The following MCTP1 variants were observed in gnomAD, a reference collection of about 807,000 sequenced individuals.
MCTP1 encodes multiple C2 and transmembrane domain containing 1, also known as multiple C2 and transmembrane domain-containing protein 1.
A neutral mutation model predicts 120.6 loss-of-function variants in MCTP1; 69 were observed. That is an observed-to-expected ratio of 0.57 (90% CI 0.47 to 0.70). The LOEUF (loss-of-function observed/expected upper bound fraction) is 0.70. Among genes scored for constraint, MCTP1 ranks in the 30% least tolerant of loss-of-function variants. The pLI, the probability that MCTP1 is intolerant of heterozygous loss-of-function variation, is 0.00. For missense variants in MCTP1, 1,203 were observed against 1,248.8 expected (o/e 0.96, Z 0.55); for synonymous variants, 529 against 493.1 (o/e 1.07, Z -0.96).
chr5:95,240,269 T>C (rs10068954), intron 1 of MCTP1, among the ~76,000 whole-genome samples: 22,864 of 152,218 alleles, frequency 0.15, 1,872 homozygotes, highest in Non-Finnish European at 0.19. Flanking sequence ...ATATCTACAA[T>C]GCTTACCTGC....
chr5:95,036,911 T>TCACTCACTCACTCAC (rs1554188926), intron 1 of MCTP1, among the ~76,000 whole-genome samples: 1 of 151,494 alleles, frequency 6.6e-6, no homozygotes, highest in Non-Finnish European at 1.5e-5. Flanking sequence ...ATTTCATTCT[T>TCACTCACTCACTCAC]TCACTCACTC....
intron 2 of MCTP1, among the ~76,000 whole-genome samples, chr5:95,006,077 C>T (rs775732032): frequency 1.3e-5 from 2 of 152,052 alleles, no homozygotes; most frequent in Admixed American, 6.6e-5. Context: ...AGAGAGAAAA[C>T]CTAGGGAGAC....
intron 2 of MCTP1, among the ~76,000 whole-genome samples, chr5:94,969,392 C>T (rs1434706896): frequency 1.3e-5 from 2 of 152,088 alleles, no homozygotes; most frequent in East Asian, 3.9e-4. Context: ...ATGTAAATAG[C>T]TGTCTATTAA....
intron 17 of MCTP1, among the ~76,000 whole-genome samples, chr5:94,845,908 A>C (rs1213338397): frequency 6.6e-6 from 1 of 152,172 alleles, no homozygotes; most frequent in East Asian, 1.9e-4. Flanking sequence ...AATGCTCAAC[A>C]TCACTAATCA....
intron 17 of MCTP1, among the ~76,000 whole-genome samples, chr5:94,855,096 A>G (rs559563380): frequency 6.6e-6 from 1 of 151,950 alleles, no homozygotes. Context: ...TGTAACCAAA[A>G]TATTCCCCCT....
At chr5:94,843,437 T>C (rs575385913) in intron 17 of MCTP1, among the ~76,000 whole-genome samples, 15 of 152,206 alleles carry the variant, frequency 9.9e-5, no homozygotes, top group Non-Finnish European at 1.9e-4. Context: ...TGATGGGATG[T>C]AGGCGATTTG....
chr5:95,040,169 C>T lies in MCTP1; in HGVS notation c.721-22685G>A. Among the ~76,000 whole-genome samples the T allele has an allele frequency of 1.3e-5, 2 of 152,148 alleles. 1 individual carries two copies. On this transcript the variant is annotated intron_variant, in intron 1 of 22. Transcript: ENST00000515393. ...TTTTAAAGAAGGCTGGGCATGATGG[C>T]TCATGCCTGTAATCCTGGCACTTTG...
At chr5:95,064,791 T>C (rs1750162308) in intron 1 of MCTP1, among the ~76,000 whole-genome samples, 1 of 152,212 alleles carries the variant, frequency 6.6e-6, no homozygotes, top group Admixed American at 6.5e-5. Flanking sequence ...AACAGACCAC[T>C]TGGAAGAAAA....
At chr5:95,068,214 G>A (rs1751171660) in intron 1 of MCTP1, among the ~76,000 whole-genome samples, 1 of 152,130 alleles carries the variant, frequency 6.6e-6, no homozygotes, top group South Asian at 2.1e-4. Flanking sequence ...TCAAGGGCAA[G>A]ATAATGTCTT....
intron 1 of MCTP1, among the ~76,000 whole-genome samples, chr5:95,035,713 ATG>A (rs1226148441): frequency 1.3e-5 from 2 of 152,218 alleles, no homozygotes; most frequent in African/African-American, 4.8e-5. Context: ...TACCTCTTGA[ATG>A]TGTAATTAAA....
intron 1 of MCTP1, among the ~76,000 whole-genome samples, chr5:95,040,442 C>CAA (rs546825835): frequency 2.8e-5 from 3 of 108,730 alleles, no homozygotes; most frequent in African/African-American, 6.7e-5. Context: ...GACTCTGTCT[C>CAA]AAAAAAAAAA....
At chr5:95,233,870 A>C (rs1450298297) in intron 1 of MCTP1, among the ~76,000 whole-genome samples, 1 of 152,148 alleles carries the variant, frequency 6.6e-6, no homozygotes, top group Non-Finnish European at 1.5e-5. Flanking sequence ...ACGTAAGCAG[A>C]AAAAAGGAAA....
intron 1 of MCTP1, among the ~76,000 whole-genome samples, chr5:95,232,449 GA>G (rs1755069234): frequency 6.7e-6 from 1 of 149,606 alleles, no homozygotes; most frequent in African/African-American, 2.5e-5. Flanking sequence ...CACAAGAAAT[GA>G]AATTTAATTT....
chr5:94,962,325 C>T (rs955772369), intron 2 of MCTP1, among the ~76,000 whole-genome samples: 3 of 151,740 alleles, frequency 2.0e-5, no homozygotes, highest in African/African-American at 7.3e-5. Context: ...TGTCATTATA[C>T]AAAAAACATA....
Position 95,036,472 on chromosome 5 carries a change from C to T in MCTP1, c.721-18988G>A, listed in dbSNP as rs1275214967. Among the ~76,000 whole-genome samples, 3 of 152,258 alleles carry T rather than the reference C, an allele frequency of 2.0e-5. No homozygotes were observed. The Middle Eastern group carries it at 0.01, about 518-fold the overall frequency. ...TCTTATGAAACCGAAACAAAGAAGCCTCTGTATTAGACTTAAGCACATAGC... is the reference window on the plus strand; with the variant it reads ...TCTTATGAAACCGAAACAAAGAAGCTTCTGTATTAGACTTAAGCACATAGC... On this transcript the variant is annotated intron_variant, in intron 1 of 22. Coordinates refer to ENST00000515393, the MANE Select transcript of MCTP1 (RefSeq NM_024717.7).
intron 17 of MCTP1, among the ~76,000 whole-genome samples, chr5:94,801,130 A>G (rs967098859): frequency 4.6e-5 from 7 of 152,172 alleles, no homozygotes; most frequent in African/African-American, 1.7e-4. Context: ...TATTCTTTAT[A>G]TATTTATTTG....
chr5:94,766,181 A>G (rs1772650517), intron 19 of MCTP1, among the ~76,000 whole-genome samples: 1 of 152,238 alleles, frequency 6.6e-6, no homozygotes, highest in South Asian at 2.1e-4. Context: ...CGGGAGGTGG[A>G]GGTTGCAGTG....
intron 19 of MCTP1, among the ~76,000 whole-genome samples, chr5:94,743,293 G>T (rs1387680160): frequency 1.3e-5 from 2 of 149,862 alleles, no homozygotes; most frequent in African/African-American, 4.9e-5. Context: ...TAGCAAATCT[G>T]CAGGCTTATA....
At chr5:94,844,301 C>CAAAAAAAAAAAAAAAAAA (rs59169145) in intron 17 of MCTP1, among the ~76,000 whole-genome samples, 7 of 79,690 alleles carry the variant, frequency 8.8e-5, no homozygotes, top group South Asian at 4.8e-4. Context: ...GACTCTGTCT[C>CAAAAAAAAAAAAAAAAAA]AAAAAAAAAA....
Sources: gnomAD v4.1 joint callset for allele counts (sites outside exome capture counted in the v4.1 genomes callset) on GRCh38, gnomAD v4.1.1 for gene constraint, MANE v1.5 for transcripts, NCBI Gene and HGNC (gene_info 2026-07-23, HGNC 2026-07-21) for gene names.